Variants in VAV3 observed in about 807,000 individuals in gnomAD.
VAV3 encodes vav guanine nucleotide exchange factor 3.
A neutral mutation model predicts 131.2 loss-of-function variants in VAV3; 94 were observed. The ratio of observed to expected loss-of-function variants is 0.72; its 90% confidence interval spans 0.61 to 0.85. The LOEUF (loss-of-function observed/expected upper bound fraction) is 0.85, where lower values mean the gene tolerates loss of function less well. VAV3 is among the 40% of genes least tolerant of loss of function. The pLI, the probability that VAV3 is intolerant of heterozygous loss-of-function variation, is 0.00. For synonymous variants in VAV3, 349 were observed against 342.0 expected (o/e 1.02, Z -0.22); for missense variants, 939 against 1,002.7 (o/e 0.94, Z 0.86).
chr1:107,767,669 G>T (rs1379201500), intron 7 of VAV3, among the ~76,000 whole-genome samples: 1 of 152,150 alleles, frequency 6.6e-6, no homozygotes, highest in Non-Finnish European at 1.5e-5. Context: ...GCAGGTCTGT[G>T]AATAAAAGCT....
intron 25 of VAV3, among the ~76,000 whole-genome samples, chr1:107,582,048 G>C (rs1318631625): frequency 6.6e-6 from 1 of 152,190 alleles, no homozygotes; most frequent in African/African-American, 2.4e-5. Context: ...AAAGTTGTTA[G>C]TAAGAATATG....
chr1:107,669,275 G>A (rs921887240), intron 19 of VAV3: 24 of 1,274,362 alleles, frequency 1.9e-5, no homozygotes, highest in East Asian at 5.6e-5. Context: ...TTTATCCTTC[G>A]CTGTGTAAGT....
At chr1:107,774,802 A>C (rs994616480) in intron 4 of VAV3, among the ~76,000 whole-genome samples, 1 of 152,218 alleles carries the variant, frequency 6.6e-6, no homozygotes, top group African/African-American at 2.4e-5. Context: ...ATGCAGCCCC[A>C]AAATTTAGAG....
At chr1:107,608,032 AT>A (rs993380911) in intron 22 of VAV3, among the ~76,000 whole-genome samples, 4 of 151,714 alleles carry the variant, frequency 2.6e-5, no homozygotes, top group African/African-American at 9.7e-5. Flanking sequence ...GTTTAAATAG[AT>A]TGTCCAGGTT....
chr1:107,786,000 T>C (rs1234331198), intron 2 of VAV3, among the ~76,000 whole-genome samples: 1 of 152,170 alleles, frequency 6.6e-6, no homozygotes, highest in Non-Finnish European at 1.5e-5. Flanking sequence ...CAGCAACACA[T>C]CTTAGGGATT....
At chr1:107,701,257 G>C (rs1308893341) in intron 17 of VAV3, among the ~76,000 whole-genome samples, 2 of 152,016 alleles carry the variant, frequency 1.3e-5, no homozygotes, top group Admixed American at 6.6e-5. Context: ...TGCATCCACA[G>C]GTCCAACACC....
chr1:107,613,140 A>G (rs568186051), intron 21 of VAV3, among the ~76,000 whole-genome samples: 15 of 152,208 alleles, frequency 9.9e-5, no homozygotes, highest in Non-Finnish European at 1.0e-4. Flanking sequence ...CTAATAATCA[A>G]CCTTTTATAG....
chr1:107,906,537 G>A (rs1041616636), intron 1 of VAV3, among the ~76,000 whole-genome samples: 1 of 152,148 alleles, frequency 6.6e-6, no homozygotes, highest in South Asian at 2.1e-4. Flanking sequence ...GTGGTGGCAG[G>A]CACCTGTAGT....
At chr1:107,586,597 G>A (rs1041983118) in intron 25 of VAV3, among the ~76,000 whole-genome samples, 1 of 152,110 alleles carries the variant, frequency 6.6e-6, no homozygotes, top group African/African-American at 2.4e-5. Flanking sequence ...AAATTGGAGT[G>A]CATCTATCAG....
intron 15 of VAV3, among the ~76,000 whole-genome samples, chr1:107,705,656 T>C (rs1660400594): frequency 6.6e-6 from 1 of 152,202 alleles, no homozygotes; most frequent in Admixed American, 6.5e-5. Flanking sequence ...ATATTATACA[T>C]ACAAAAGTTA....
intron 1 of VAV3, among the ~76,000 whole-genome samples, chr1:107,901,662 T>C (rs1671860559): frequency 6.6e-6 from 1 of 152,256 alleles, no homozygotes; most frequent in Non-Finnish European, 1.5e-5. Context: ...ATTTTTCCTT[T>C]CAATGTACTT....
chr1:107,617,758 G>C, intron 20 of VAV3, 126 bp from the exon 21 acceptor site: 1 of 667,380 alleles, frequency 1.5e-6, no homozygotes, highest in Non-Finnish European at 2.4e-6. Context: ...ATCCAGTCCT[G>C]AGCATTAACT....
At chr1:107,917,126 T>C (rs1417843042) in intron 1 of VAV3, among the ~76,000 whole-genome samples, 2 of 152,000 alleles carry the variant, frequency 1.3e-5, no homozygotes, top group East Asian at 1.9e-4. Context: ...AAGGAAATAA[T>C]CAAAATCTAC....
At chr1:107,679,829 C>T (rs918597674) in intron 19 of VAV3, among the ~76,000 whole-genome samples, 2 of 152,166 alleles carry the variant, frequency 1.3e-5, no homozygotes, top group Admixed American at 6.5e-5. Context: ...ATGTCTGTTA[C>T]AAGTGTTATT....
chr1:107,580,319 C>G (rs530437840), intron 25 of VAV3, among the ~76,000 whole-genome samples: 1 of 152,132 alleles, frequency 6.6e-6, no homozygotes, highest in African/African-American at 2.4e-5. Context: ...CCAACAAAGG[C>G]CAGCAAAACA....
At chr1:107,601,383 A>C (rs1651851154) in intron 24 of VAV3, among the ~76,000 whole-genome samples, 1 of 152,196 alleles carries the variant, frequency 6.6e-6, no homozygotes, top group Non-Finnish European at 1.5e-5. Context: ...CCTGCCTTGA[A>C]GCAGTTCTAC....
At chr1:107,772,231 C>A (rs1665090088) in intron 5 of VAV3, among the ~76,000 whole-genome samples, 1 of 152,050 alleles carries the variant, frequency 6.6e-6, no homozygotes, top group African/African-American at 2.4e-5. Flanking sequence ...TTGGCTATGA[C>A]AATATCTGAA....
chr1:107,829,592 CA>C (rs1020579811), intron 2 of VAV3, among the ~76,000 whole-genome samples: 35 of 152,202 alleles, frequency 2.3e-4, no homozygotes, highest in African/African-American at 7.2e-4. Flanking sequence ...AAAATAACCA[CA>C]GTATTTTTTT....
intron 2 of VAV3, among the ~76,000 whole-genome samples, chr1:107,810,168 G>T (rs1667251367): frequency 6.6e-6 from 1 of 152,186 alleles, no homozygotes; most frequent in Non-Finnish European, 1.5e-5. Context: ...AACAGCAGCA[G>T]CCTAGACCAG....
Sources: allele counts gnomAD v4.1 joint callset (sites outside exome capture counted in the v4.1 genomes callset), GRCh38; gene constraint gnomAD v4.1.1; transcripts MANE v1.5; gene names NCBI Gene and HGNC (gene_info 2026-07-23, HGNC 2026-07-21).